Variants in CRYBG3 observed in about 807,000 individuals in gnomAD.
The protein encoded by CRYBG3 is very large A-kinase anchor protein.
Under a neutral mutation model 244.2 loss-of-function variants are expected in CRYBG3, and 127 were observed. The ratio of observed to expected loss-of-function variants is 0.52; its 90% CI spans 0.45 to 0.60. The LOEUF (loss-of-function observed/expected upper bound fraction) is 0.60, where lower values mean the gene tolerates loss of function less well. Ranked by LOEUF, CRYBG3 falls within the 20% of genes least tolerant of loss-of-function variation. The pLI, the probability that CRYBG3 is intolerant of heterozygous loss-of-function variation, is 0.00. For missense variants in CRYBG3, 3,325 were observed against 3,442.5 expected (o/e 0.97, Z 0.85); for synonymous variants, 1,132 against 1,195.8 (o/e 0.95, Z 1.10).
chr3:97,884,227 T>C (rs2039483012), intron 7 of CRYBG3, among the ~76,000 whole-genome samples: 1 of 152,178 alleles, frequency 6.6e-6, no homozygotes, highest in Non-Finnish European at 1.5e-5. Context: ...TTAAGGGTTG[T>C]CTTTGTACCC....
chr3:97,943,143 C>A, intron 21 of CRYBG3, 83 bp from the exon 22 acceptor site: 1 of 742,610 alleles, frequency 1.3e-6, no homozygotes, highest in South Asian at 1.7e-5. Flanking sequence ...AAATGGTGAG[C>A]TGAACAGAAG....
intron 20 of CRYBG3, among the ~76,000 whole-genome samples, chr3:97,941,629 G>C (rs1048345969): frequency 1.3e-5 from 2 of 151,874 alleles, no homozygotes; most frequent in Admixed American, 1.3e-4. Flanking sequence ...TTCCTTACTT[G>C]ATGGCCCAGA....
At chr3:97,907,376 T>C (rs867280247) in intron 15 of CRYBG3, among the ~76,000 whole-genome samples, 1 of 152,240 alleles carries the variant, frequency 6.6e-6, no homozygotes, top group South Asian at 2.1e-4. Context: ...CATCTGGTCC[T>C]GGACTCTTTT....
At chr3:97,884,522 A>T (rs2039485919) in intron 7 of CRYBG3, among the ~76,000 whole-genome samples, 1 of 152,202 alleles carries the variant, frequency 6.6e-6, no homozygotes, top group Non-Finnish European at 1.5e-5. Context: ...CCATAATAGT[A>T]TAAGTTTGCA....
chr3:97,941,327 A>C (rs112611094), intron 20 of CRYBG3, 21 bp downstream of exon 20: 34 of 1,539,204 alleles, frequency 2.2e-5, no homozygotes, highest in Middle Eastern at 3.5e-4. Flanking sequence ...CCACTGATAC[A>C]GTATGCCACT....
Position 97,875,518 on chromosome 3 carries a change from A to G in CRYBG3, c.4324A>G (p.Thr1442Ala). 2 of 1,270,224 alleles carry G rather than the reference A, an allele frequency of 1.6e-6. No homozygotes were observed. The highest frequency in any genetic ancestry group is 2.0e-6 in the Non-Finnish European group (2 of 1,012,598). 78.7% of individuals were successfully genotyped at this position (1,270,224 alleles called of 1,614,324 possible). A position where few individuals can be genotyped will look rare whatever the true frequency, so the allele number is the denominator to read the frequency against. Residue 1442 changes from threonine to alanine, a missense_variant, in exon 4 of 22, where the codon ACA becomes GCA. Around this residue, in one of 4 missense-constraint regions of CRYBG3, gnomAD observed 635 missense variants for 771.7 expected, o/e 0.82. Coordinates refer to ENST00000389622, the MANE Select transcript of CRYBG3 (RefSeq NM_153605.4). ...SHKRLDDRVK[T>A]HLFRSEDCNE... is the part of the protein sequence containing the mutation. ...TAAACGGTTAGATGATAGGGTAAAA[A>G]CACATTTATTTCGCAGTGAGGACTG...
At chr3:97,911,645 C>T (rs1384568315) in intron 15 of CRYBG3, among the ~76,000 whole-genome samples, 1 of 152,248 alleles carries the variant, frequency 6.6e-6, no homozygotes, top group African/African-American at 2.4e-5. Context: ...CCCTCCTGGG[C>T]ACTCTTAGTG....
intron 1 of CRYBG3, among the ~76,000 whole-genome samples, chr3:97,838,509 C>T (rs2038767461): frequency 6.6e-6 from 1 of 152,060 alleles, no homozygotes; most frequent in African/African-American, 2.4e-5. Context: ...GATTCCTTGA[C>T]AGTCGGGCCC....
In CRYBG3 at chr3:97,877,600, A is replaced by G. The variant is rs181428974; in HGVS notation, c.6406A>G (p.Met2136Val). 2.1e-5 allele frequency: 34 copies of G among 1,614,106 alleles called. No individual in the cohort carries two copies. In the Admixed American group the frequency reaches 4.2e-4, roughly 20 times the overall value. Reference sequence around the variant, plus strand: ...CCAGTCAGTGTCAGAACGTTTAAAGATGAATTTTGATGAAGATGACAGAGA... The same window carrying G: ...CCAGTCAGTGTCAGAACGTTTAAAGGTGAATTTTGATGAAGATGACAGAGA... ...LLQSVSERLK[M>V]NFDEDDREAA... Residue 2136 changes from methionine to valine, a missense_variant, in exon 4 of 22, where the codon ATG becomes GTG. Around this residue, in one of 4 missense-constraint regions of CRYBG3, gnomAD observed 450 missense variants for 424.1 expected, o/e 1.06. Transcript: ENST00000389622.
intron 2 of CRYBG3, among the ~76,000 whole-genome samples, chr3:97,859,200 G>C (rs1239146575): frequency 6.6e-6 from 1 of 152,118 alleles, no homozygotes. Flanking sequence ...TTTCTGAGTG[G>C]TGTGTGTATG....
intron 2 of CRYBG3, among the ~76,000 whole-genome samples, chr3:97,846,920 C>T (rs906421380): frequency 2.6e-5 from 4 of 152,252 alleles, no homozygotes; most frequent in East Asian, 1.9e-4. Flanking sequence ...AAAGAAAAGG[C>T]GTTTCATTGG....
At chr3:97,926,154 G>A (rs148748213) in intron 17 of CRYBG3, among the ~76,000 whole-genome samples, 1 of 152,004 alleles carries the variant, frequency 6.6e-6, no homozygotes, top group African/African-American at 2.4e-5. Context: ...GATGAACAAA[G>A]ATGCAAAAAT....
intron 17 of CRYBG3, chr3:97,933,478 C>T (rs1575975126): frequency 1.6e-6 from 1 of 623,972 alleles, no homozygotes; most frequent in South Asian, 1.7e-5. Flanking sequence ...GATTGCTTTT[C>T]TGATAACTTG....
Position 97,830,705 on chromosome 3 carries a change from C to T in CRYBG3, c.149+8350C>T, listed in dbSNP as rs1264474844. Among the ~76,000 whole-genome samples, 3 of 152,022 alleles carry T rather than the reference C, an allele frequency of 2.0e-5. No individual in the cohort carries two copies. The East Asian group carries it at 5.8e-4, about 29-fold the overall frequency. ...ATCTGAGGCTAGTACGATTTCTGGA[C>T]CTATTTTTGTGATTCATTTTTTCTT... On this transcript the variant is annotated intron_variant, in intron 1 of 21. Coordinates refer to ENST00000389622, the MANE Select transcript of CRYBG3 (RefSeq NM_153605.4).
rs537132161 is a variant in CRYBG3, at chr3:97,886,808, C to T, written c.7289+41C>T. On this transcript the variant is annotated intron_variant, in intron 8 of 21. Coordinates refer to ENST00000389622, the MANE Select transcript of CRYBG3 (RefSeq NM_153605.4). ...TTTTTATTATAGTGATTGATGGCCA[C>T]CAATTTCATATTTCAATAGATGACA... The T allele has an allele frequency of 6.8e-6, 10 of 1,460,902 alleles. No homozygotes were observed. The South Asian group carries it at 1.0e-4, about 15-fold the overall frequency. 90.5% of individuals were successfully genotyped at this position (1,460,902 alleles called of 1,614,324 possible). A position where few individuals can be genotyped will look rare whatever the true frequency, so the allele number is the denominator to read the frequency against.
At chr3:97,847,125 A>C (rs1316858320) in intron 2 of CRYBG3, among the ~76,000 whole-genome samples, 3 of 152,100 alleles carry the variant, frequency 2.0e-5, no homozygotes, top group African/African-American at 7.2e-5. Context: ...AGGACACCAC[A>C]AAGCCATCCA....
chr3:97,907,694 C>G (rs918519180), intron 15 of CRYBG3, among the ~76,000 whole-genome samples: 1 of 151,486 alleles, frequency 6.6e-6, no homozygotes, highest in Non-Finnish European at 1.5e-5. Flanking sequence ...TTTCAAAAAA[C>G]CAGCTCCTGG....
At position 97,875,662 on chromosome 3, in the gene CRYBG3, G is replaced by A. The variant is rs2039362630; in HGVS notation, c.4468G>A (p.Gly1490Ser). Residue 1490 changes from glycine to serine, a missense_variant, in exon 4 of 22, where the codon GGT (glycine) becomes AGT (serine). Gly to Ser is a moderately conservative substitution (Grantham distance 56). Around this residue, in one of 4 missense-constraint regions of CRYBG3, gnomAD observed 635 missense variants for 771.7 expected, o/e 0.82. Coordinates refer to ENST00000389622, the MANE Select transcript of CRYBG3 (RefSeq NM_153605.4). ...PLVNDDIHAP[G>S]TSKSSLSDSL... ...TGTGAATGATGACATCCATGCACCTGGTACATCTAAAAGCAGTTTGTCTGA... is the reference window on the plus strand; with the variant it reads ...TGTGAATGATGACATCCATGCACCTAGTACATCTAAAAGCAGTTTGTCTGA... 8.1e-7 allele frequency: 1 copy of A among 1,233,456 alleles called. No individual in the cohort carries two copies. The highest frequency in any genetic ancestry group is 1.0e-6 in the Non-Finnish European group (1 of 989,102). The allele number at this position is 1,233,456 out of a possible 1,614,324, so 76.4% of individuals were successfully genotyped here. A position where few individuals can be genotyped will look rare whatever the true frequency, so the allele number is the denominator to read the frequency against.
chr3:97,887,383 T>C (rs2039520993), intron 8 of CRYBG3, among the ~76,000 whole-genome samples: 1 of 152,208 alleles, frequency 6.6e-6, no homozygotes, highest in South Asian at 2.1e-4. Flanking sequence ...TTGTTTACTT[T>C]GATGATGGTT....
Sources: allele counts gnomAD v4.1 joint callset (sites outside exome capture counted in the v4.1 genomes callset), GRCh38; gene constraint gnomAD v4.1.1; regional missense constraint gnomAD v4.1.1; transcripts MANE v1.5; gene names NCBI Gene and HGNC (gene_info 2026-07-23, HGNC 2026-07-21).